The following DAB1 variants were observed in gnomAD, a reference collection of about 807,000 sequenced individuals.
DAB1 encodes the protein disabled homolog 1.
In DAB1, 15 loss-of-function variants were observed where a neutral mutation model predicts 64.6. The ratio of observed to expected loss-of-function variants is 0.23; its 90% CI spans 0.16 to 0.36. The LOEUF (loss-of-function observed/expected upper bound fraction) is 0.36. Among genes scored for constraint, DAB1 ranks in the 10% least tolerant of loss-of-function variants. The pLI is 1.00. For synonymous variants in DAB1, 235 were observed against 251.9 expected, an observed-to-expected ratio of 0.93 and a Z score of 0.64; for missense variants, 596 against 706.7, an observed-to-expected ratio of 0.84 and a Z score of 1.78.
At chr1:57,992,374 A>G (rs968426338) in intron 5 of DAB1, among the ~76,000 whole-genome samples, 2 of 152,176 alleles carry the variant, frequency 1.3e-5, no homozygotes, top group African/African-American at 4.8e-5. Context: ...GCACTTTTTC[A>G]TATGTATGTG....
At chr1:58,474,924 G>A (rs338230) in intron 3 of DAB1, among the ~76,000 whole-genome samples, 87,441 of 152,044 alleles carry the variant, frequency 0.58, 27,501 homozygotes, top group African/African-American at 0.83. Flanking sequence ...CATGCCTCAC[G>A]GGGTTGCTGT....
At chr1:57,195,042 A>G (rs1664512262) in intron 2 of DAB1, among the ~76,000 whole-genome samples, 1 of 152,250 alleles carries the variant, frequency 6.6e-6, no homozygotes, top group African/African-American at 2.4e-5. Flanking sequence ...TAATGAATGG[A>G]AAATGAGTTT....
At chr1:57,944,956 CA>C (rs1412056280) in intron 5 of DAB1, among the ~76,000 whole-genome samples, 6 of 152,178 alleles carry the variant, frequency 3.9e-5, no homozygotes, top group African/African-American at 1.4e-4. Context: ...ATCACCTTGA[CA>C]GTATCCTAGT....
At position 58,281,348 on chromosome 1, in the gene DAB1, T is replaced by A. The variant is rs146382612; in HGVS notation, n.309+62004A>T. Among the ~76,000 whole-genome samples the A allele has an allele frequency of 1.7e-3, 259 of 152,090 alleles. 4 individuals carry two copies. Among genetic ancestry groups the A allele is most frequent in the Middle Eastern group, 0.017 (5 of 294 alleles). ...AGTGACGAAGCCTGAAACCTGGGAT[T>A]CTTCCTTGACTACCTTCAGCCTTCC... On this transcript the variant is annotated intron_variant and non_coding_transcript_variant, in intron 4 of 20. Coordinates refer to the DAB1 transcript ENST00000485760.
chr1:57,582,553 G>A (rs1196716976), intron 7 of DAB1, among the ~76,000 whole-genome samples: 1 of 152,150 alleles, frequency 6.6e-6, no homozygotes, highest in African/African-American at 2.4e-5. Context: ...TTCAACATAT[G>A]AATTTAGGGA....
intron 3 of DAB1, among the ~76,000 whole-genome samples, chr1:58,380,572 G>C (rs148577283): frequency 1.8e-3 from 269 of 152,298 alleles, no homozygotes; most frequent in African/African-American, 6.4e-3. Context: ...GATGTAGTAG[G>C]TTATTCTGTC....
chr1:58,449,755 G>A (rs540401953), intron 3 of DAB1, among the ~76,000 whole-genome samples: 1 of 151,282 alleles, frequency 6.6e-6, no homozygotes, highest in East Asian at 1.9e-4. Flanking sequence ...CCAGGCGGCT[G>A]TTTCCTTACA....
chr1:57,778,342 T>C (rs1310596561), intron 6 of DAB1, among the ~76,000 whole-genome samples: 1 of 151,774 alleles, frequency 6.6e-6, no homozygotes, highest in Non-Finnish European at 1.5e-5. Context: ...CATCATTTCC[T>C]CAGCTCTTCA....
intron 4 of DAB1, among the ~76,000 whole-genome samples, chr1:58,333,403 G>A (rs1326886348): frequency 6.6e-6 from 1 of 152,182 alleles, no homozygotes; most frequent in Non-Finnish European, 1.5e-5. Flanking sequence ...GAGAGGAGTT[G>A]TTAAACAAAT....
At chr1:58,401,767 C>T (rs2100564142) in intron 3 of DAB1, among the ~76,000 whole-genome samples, 1 of 152,334 alleles carries the variant, frequency 6.6e-6, no homozygotes, top group African/African-American at 2.4e-5. Flanking sequence ...GCTTCTGAAA[C>T]AATTACTTTT....
chr1:57,329,972 C>T (rs1210919028), intron 1 of DAB1, among the ~76,000 whole-genome samples: 2 of 152,150 alleles, frequency 1.3e-5, no homozygotes, highest in Non-Finnish European at 2.9e-5. Context: ...ATTTCTGGTG[C>T]TAATTCAAAA....
At chr1:58,234,676 A>G (rs761712421) in intron 4 of DAB1, among the ~76,000 whole-genome samples, 18 of 152,312 alleles carry the variant, frequency 1.2e-4, no homozygotes, top group Non-Finnish European at 2.2e-4. Context: ...CCAGGATATC[A>G]AAGGCTCAGA....
At chr1:57,053,642 A>ATCTC (rs146813079) in intron 9 of DAB1, among the ~76,000 whole-genome samples, 52 of 126,304 alleles carry the variant, frequency 4.1e-4, no homozygotes, top group Middle Eastern at 4.6e-3. Context: ...CCATCTAAGA[A>ATCTC]TCTCTCTCTC....
chr1:57,022,322 G>C (rs1007096033), intron 11 of DAB1, among the ~76,000 whole-genome samples: 2 of 152,178 alleles, frequency 1.3e-5, no homozygotes, highest in African/African-American at 4.8e-5. Context: ...TATTTAAAAT[G>C]GCATGTGCCA....
intron 4 of DAB1, among the ~76,000 whole-genome samples, chr1:58,184,672 T>C (rs1157499498): frequency 2.0e-5 from 3 of 152,138 alleles, no homozygotes; most frequent in African/African-American, 7.2e-5. Context: ...AAGAAATCAC[T>C]AGATGTTCAC....
chr1:58,527,145 G>T, intron 2 of DAB1: 1 of 680,882 alleles, frequency 1.5e-6, no homozygotes, highest in East Asian at 2.6e-5. Flanking sequence ...ATTACATAAA[G>T]GGCTAATACA....
chr1:57,310,547 T>C (rs1030212079), intron 1 of DAB1, among the ~76,000 whole-genome samples: 4 of 152,106 alleles, frequency 2.6e-5, no homozygotes, highest in Admixed American at 6.5e-5. Context: ...AAGTAAGCAA[T>C]TGTGCCCAGA....
intron 2 of DAB1, among the ~76,000 whole-genome samples, chr1:57,209,390 G>C (rs1236353738): frequency 2.0e-5 from 3 of 152,172 alleles, no homozygotes; most frequent in Non-Finnish European, 2.9e-5. Flanking sequence ...ATGAATTGGG[G>C]GAAGTCTGTT....
intron 4 of DAB1, among the ~76,000 whole-genome samples, chr1:58,241,493 T>C (rs1391260950): frequency 6.6e-6 from 1 of 152,064 alleles, no homozygotes; most frequent in Non-Finnish European, 1.5e-5. Flanking sequence ...TCCTGGTCTA[T>C]TTTGAACACA....
Sources: allele counts gnomAD v4.1 joint callset (sites outside exome capture counted in the v4.1 genomes callset), GRCh38; gene constraint gnomAD v4.1.1; transcripts MANE v1.5; gene names NCBI Gene and HGNC (gene_info 2026-07-23, HGNC 2026-07-21).